FAM217B: variants seen among roughly 807,000 people sequenced by gnomAD.
The protein encoded by FAM217B is protein FAM217B.
For missense variants in FAM217B, 463 were observed against 456.9 expected (o/e 1.01, Z -0.12); for synonymous variants, 163 against 173.0 (o/e 0.94, Z 0.45).
rs1332729433 is a variant in FAM217B, at chr20:59,945,864, T to C, written c.*769T>C. On this transcript the variant is annotated 3_prime_UTR_variant, in exon 4 of 4. Coordinates refer to ENST00000360816, the MANE Select transcript of FAM217B (RefSeq NM_022106.3). ...TCAATGGGCTTAGCATGATTACTGC[T>C]GTTTGGTGGGGCTGAGAATGAAATA... The C allele has an allele frequency of 6.0e-6, 1 of 167,070 alleles. No homozygotes were observed. Among genetic ancestry groups the C allele is most frequent in the Non-Finnish European group, 1.5e-5 (1 of 68,122 alleles). The allele number at this position is 167,070 out of a possible 1,614,324, so 10.3% of individuals were successfully genotyped here.
upstream of FAM217B, chr20:59,939,284 G>A (rs746171883): frequency 6.2e-7 from 1 of 1,612,472 alleles, no homozygotes; most frequent in Non-Finnish European, 8.5e-7. Flanking sequence ...CCGCCTCGTG[G>A]GTACTGCGCC....
At chr20:59,940,967 C>G (rs994371285) in intron 1 of FAM217B, among the ~76,000 whole-genome samples, 6 of 152,192 alleles carry the variant, frequency 3.9e-5, no homozygotes, top group African/African-American at 9.6e-5. Context: ...TGCAGCTGCC[C>G]TTAATCAGCC....
At chr20:59,939,086 G>A, upstream of FAM217B, 1 of 1,590,866 alleles carries the variant, frequency 6.3e-7, no homozygotes, top group East Asian at 2.3e-5. Flanking sequence ...TGTGCAGCGC[G>A]TGGTTGCGAC....
At chr20:59,939,191 C>T (rs759733398), upstream of FAM217B, 9 of 1,609,046 alleles carry the variant, frequency 5.6e-6, no homozygotes, top group Non-Finnish European at 5.9e-6. Context: ...AGCCGAGCTC[C>T]AGCAGGAAGG....
rs1365658148 is a variant in FAM217B at position 59,944,073 on chromosome 20, A to G, written c.130A>G (p.Thr44Ala). The part of the protein sequence containing the change: ...RSSLTAVTQP[T>A]EEKLKESISP... ...CAGCCTCACAGCTGTCACCCAGCCT[A>G]CTGAAGAAAAACTTAAAGAAAGCAT... is the stretch of plus-strand genomic sequence containing the variant. The change falls in exon 4 of 4, where the codon ACT (threonine) becomes GCT (alanine). Residue 44 changes from threonine to alanine, a missense_variant. Thr to Ala is a moderately conservative substitution (Grantham distance 58). Transcript: ENST00000360816. 1.2e-6 allele frequency: 2 copies of G among 1,614,042 alleles called. No individual in the cohort carries two copies. Among genetic ancestry groups the G allele is most frequent in the Non-Finnish European group, 1.7e-6 (2 of 1,180,020 alleles).
upstream of FAM217B, among the ~76,000 whole-genome samples, chr20:59,935,860 T>TA (rs200660381): frequency 2.6e-5 from 4 of 152,250 alleles, no homozygotes; most frequent in East Asian, 5.8e-4. Flanking sequence ...ATATGTCATA[T>TA]AACAGGTAGA....
upstream of FAM217B, chr20:59,939,374 G>T (rs1279505429): frequency 1.2e-6 from 2 of 1,610,620 alleles, no homozygotes; most frequent in African/African-American, 2.7e-5. Context: ...TGATGCCAAG[G>T]TCCGAGCAAG....
chr20:59,936,408 G>A (rs2060862217), upstream of FAM217B, among the ~76,000 whole-genome samples: 1 of 152,154 alleles, frequency 6.6e-6, no homozygotes, highest in African/African-American at 2.4e-5. Context: ...AGCAAATAAG[G>A]GAAGACAAAA....
Position 59,945,209 on chromosome 20 carries a change from T to C in FAM217B, c.*114T>C. ...TTTACAAATACTGACATTTAAGTAG[T>C]TGACTGGCATTTTTGTCCACCTTTA... On this transcript the variant is annotated 3_prime_UTR_variant, in exon 4 of 4. Coordinates refer to ENST00000360816, the MANE Select transcript of FAM217B (RefSeq NM_022106.3). 3.2e-6 allele frequency: 3 copies of C among 927,372 alleles called. No homozygotes were observed. The East Asian group carries it at 8.1e-5, about 25-fold the overall frequency. 57.4% of individuals were successfully genotyped at this position (927,372 alleles called of 1,614,324 possible).
upstream of FAM217B, chr20:59,939,387 A>G (rs758645982): frequency 1.9e-6 from 3 of 1,610,744 alleles, no homozygotes; most frequent in Non-Finnish European, 2.5e-6. Context: ...CGAGCAAGTG[A>G]CACGCTCCAG....
chr20:59,939,697 G>C (rs2060887244), upstream of FAM217B: 15 of 1,409,048 alleles, frequency 1.1e-5, no homozygotes, highest in Non-Finnish European at 1.4e-5. Flanking sequence ...CGGCGCTCGG[G>C]GGAGCTGGGC....
chr20:59,944,396 C>T lies in FAM217B; in HGVS notation c.453C>T (p.Ser151=), dbSNP rs1402169882. Residue 151 remains serine (S), a synonymous_variant, in exon 4 of 4, where the codon AGC becomes AGT. Coordinates refer to ENST00000360816, the MANE Select transcript of FAM217B (RefSeq NM_022106.3). ...YYPNFLPSPF[S]SWDLRDMALL... ...CTAATTTCCTTCCATCCCCTTTCAG[C>T]TCCTGGGACCTACGAGATATGGCCC... is the stretch of plus-strand genomic sequence containing the variant. 5 of 1,614,014 alleles carry T rather than the reference C, an allele frequency of 3.1e-6. No homozygotes were observed. The highest frequency in any genetic ancestry group is 3.4e-6 in the Non-Finnish European group (4 of 1,180,002).
chr20:59,941,424 A>T (rs753460), intron 1 of FAM217B, among the ~76,000 whole-genome samples: 103,967 of 152,132 alleles, frequency 0.68, 37,408 homozygotes, highest in African/African-American at 0.92. Context: ...TACATGATTA[A>T]TGTGGGAAAA....
upstream of FAM217B, among the ~76,000 whole-genome samples, chr20:59,936,293 C>CT (rs1480216884): frequency 1.3e-5 from 2 of 152,180 alleles, no homozygotes; most frequent in African/African-American, 4.8e-5. Flanking sequence ...TTACACCACT[C>CT]TGAGCTTTAT....
At position 59,944,256 on chromosome 20, in the gene FAM217B, A is replaced by T. The variant is rs1282861132; in HGVS notation, c.313A>T (p.Ile105Phe). 2 of 1,614,128 alleles carry T rather than the reference A, an allele frequency of 1.2e-6. No individual in the cohort carries two copies. Among genetic ancestry groups the T allele is most frequent in the South Asian group, 2.2e-5 (2 of 91,078 alleles). Residue 105 changes from isoleucine to phenylalanine, a missense_variant, in exon 4 of 4, where the codon ATT becomes TTT. Transcript: ENST00000360816. ...TCTCTCTGATTCGGAAAGAATTCCC[A>T]TTCCTCCTTCTCCCCTCACACCTCC... ...SDLSDSERIP[I>F]PPSPLTPPDL...
At chr20:59,943,865 C>T in intron 3 of FAM217B, 75 bp from the exon 4 acceptor site, 1 of 1,269,212 alleles carries the variant, frequency 7.9e-7, no homozygotes, top group Non-Finnish European at 1.1e-6. Context: ...CTAGAAGATT[C>T]TTTTTGTTTG....
chr20:59,947,909 C>A lies in FAM217B; in HGVS notation c.*2814C>A, dbSNP rs1196794749. ...CATGAACTCATTCAATTCATCAAGT[C>A]AAAAGCACTGAGTGTTTTGCTAGTC... is the stretch of plus-strand genomic sequence containing the variant. On this transcript the variant is annotated 3_prime_UTR_variant, in exon 4 of 4. Transcript: ENST00000360816. 1 of 166,614 alleles carries A rather than the reference C, an allele frequency of 6.0e-6. No homozygotes were observed. The highest frequency in any genetic ancestry group is 1.5e-5 in the Non-Finnish European group (1 of 68,030). 10.3% of individuals were successfully genotyped at this position (166,614 alleles called of 1,614,324 possible).
chr20:59,936,923 G>C (rs1006612140), upstream of FAM217B: 1 of 152,544 alleles, frequency 6.6e-6, no homozygotes, highest in Non-Finnish European at 1.5e-5. Flanking sequence ...CCCAGCAATT[G>C]CACAGCCCAC....
Position 59,944,281 on chromosome 20 carries a change from C to T in FAM217B, c.338C>T (p.Pro113Leu). 1 of 1,614,150 alleles carries T rather than the reference C, an allele frequency of 6.2e-7. No homozygotes were observed. The highest frequency in any genetic ancestry group is 8.5e-7 in the Non-Finnish European group (1 of 1,180,026). ...IPIPPSPLTP[P>L]DLNLRAEEID... ...ATTCCTCCTTCTCCCCTCACACCTC[C>T]AGATCTCAATCTTCGAGCTGAAGAA... The change falls in exon 4 of 4, where the codon CCA (proline) becomes CTA (leucine). Residue 113 changes from proline (P) to leucine (L), a missense_variant. Physicochemically the swap from Pro to Leu is moderately conservative, Grantham distance 98 (BLOSUM62 -3). Transcript: ENST00000360816.
Sources: allele counts gnomAD v4.1 joint callset (sites outside exome capture counted in the v4.1 genomes callset), GRCh38; gene constraint gnomAD v4.1.1; transcripts MANE v1.5; gene names NCBI Gene and HGNC (gene_info 2026-07-23, HGNC 2026-07-21).